The following NBAS variants were observed in gnomAD, a reference collection of about 807,000 sequenced individuals.
The protein encoded by NBAS is NBAS subunit of NRZ tethering complex.
Under a neutral mutation model 302.5 loss-of-function variants are expected in NBAS, and 219 were observed. That is an observed-to-expected ratio of 0.72 (90% CI 0.65 to 0.81). The LOEUF is 0.81. Among genes scored for constraint, NBAS ranks in the 30% least tolerant of loss-of-function variants. NBAS has a pLI of 0.00. For synonymous variants in NBAS, 1,118 were observed against 1,021.6 expected, an observed-to-expected ratio of 1.09 and a Z score of -1.80; for missense variants, 2,932 against 2,841.6, an observed-to-expected ratio of 1.03 and a Z score of -0.72.
chr2:14,953,414 C>T, the NBAS span, among the ~76,000 whole-genome samples: 7 of 152,274 alleles, frequency 4.6e-5, no homozygotes, highest in East Asian at 1.4e-3. Flanking sequence ...ATAAAAATAA[C>T]CTTAAGAGCA....
At chr2:15,122,128 T>C in the NBAS span, among the ~76,000 whole-genome samples, 5 of 147,350 alleles carry the variant, frequency 3.4e-5, no homozygotes, top group South Asian at 1.1e-3. Flanking sequence ...AGGACTCCGT[T>C]AGCCTGTTTT....
chr2:15,434,204 T>G (rs146248703), intron 21 of NBAS, among the ~76,000 whole-genome samples: 235 of 152,208 alleles, frequency 1.5e-3, no homozygotes, highest in Middle Eastern at 3.4e-3. Context: ...TACAAGATGA[T>G]TAATGTCAAC....
rs1324996072 is a variant in NBAS, at chr2:15,458,191, T to C, written c.2339+3010A>G. On this transcript the variant is annotated intron_variant, in intron 21 of 51. Transcript: ENST00000281513. ...AGAAATAAGTATGACTATAACACAGTGTAAAAAGTGTTACATTATGAAAAT... is the reference window on the plus strand; with the variant it reads ...AGAAATAAGTATGACTATAACACAGCGTAAAAAGTGTTACATTATGAAAAT... 2.6e-5 allele frequency among the ~76,000 whole-genome samples: 4 copies of C among 152,136 alleles called. No individual in the cohort carries two copies. In the East Asian group the frequency reaches 7.7e-4, roughly 29 times the overall value.
At chr2:15,206,970 C>T (rs1275474602) in intron 48 of NBAS, among the ~76,000 whole-genome samples, 1 of 152,206 alleles carries the variant, frequency 6.6e-6, no homozygotes, top group Admixed American at 6.5e-5. Flanking sequence ...CACTGGGGCA[C>T]TGCCTCTAGT....
chr2:15,205,464 G>C (rs978746329), intron 48 of NBAS, among the ~76,000 whole-genome samples: 2 of 122,412 alleles, frequency 1.6e-5, no homozygotes, highest in African/African-American at 7.7e-5. Context: ...AAGACATAGA[G>C]TGGTTGAATA....
At chr2:14,788,064 C>A in the NBAS span, among the ~76,000 whole-genome samples, 1 of 152,024 alleles carries the variant, frequency 6.6e-6, no homozygotes. Flanking sequence ...CACTTCATTT[C>A]ATTCATTTCA....
At chr2:15,113,599 C>T in the NBAS span, among the ~76,000 whole-genome samples, 38 of 152,046 alleles carry the variant, frequency 2.5e-4, no homozygotes, top group Admixed American at 2.5e-3. Flanking sequence ...ATTGGACAAT[C>T]TGAGCATCAT....
chr2:15,337,576 G>A (rs1038964017), intron 35 of NBAS, among the ~76,000 whole-genome samples: 1 of 152,220 alleles, frequency 6.6e-6, no homozygotes. Flanking sequence ...GCTAGCTCAA[G>A]ATAGGAGACT....
At chr2:15,021,633 T>C in the NBAS span, among the ~76,000 whole-genome samples, 54 of 141,732 alleles carry the variant, frequency 3.8e-4, no homozygotes, top group Middle Eastern at 3.4e-3. Flanking sequence ...ACTTTGGCCC[T>C]GACTGAAGGG....
chr2:15,470,442 G>A (rs965265464), intron 16 of NBAS, among the ~76,000 whole-genome samples: 1 of 152,156 alleles, frequency 6.6e-6, no homozygotes, highest in Non-Finnish European at 1.5e-5. Context: ...TTGATGTACA[G>A]AGCTCATTTA....
chr2:15,309,131 T>G, intron 39 of NBAS, 40 bp downstream of exon 39: 1 of 1,516,284 alleles, frequency 6.6e-7, no homozygotes, highest in Non-Finnish European at 9.1e-7. Context: ...CATTTTCCAT[T>G]TAGTCATTTT....
the NBAS span, among the ~76,000 whole-genome samples, chr2:14,809,290 C>T: frequency 6.6e-6 from 1 of 152,142 alleles, no homozygotes; most frequent in African/African-American, 2.4e-5. Context: ...CGTGGCAGCC[C>T]CTCCCACCAC....
chr2:14,783,086 C>T, the NBAS span, among the ~76,000 whole-genome samples: 1 of 152,014 alleles, frequency 6.6e-6, no homozygotes, highest in Non-Finnish European at 1.5e-5. Context: ...AACAAACCTG[C>T]ACATGTACCC....
chr2:15,214,387 T>A (rs1331932885), intron 48 of NBAS, among the ~76,000 whole-genome samples: 1 of 152,198 alleles, frequency 6.6e-6, no homozygotes, highest in Non-Finnish European at 1.5e-5. Context: ...AGACAGTGAC[T>A]GAGGTGGTTA....
chr2:15,351,800 G>T (rs1673368981), intron 35 of NBAS, among the ~76,000 whole-genome samples, 192 bp downstream of exon 35: 1 of 151,160 alleles, frequency 6.6e-6, no homozygotes, highest in Admixed American at 6.6e-5. Context: ...ACATTTTTTG[G>T]TATACTTATC....
chr2:14,923,667 C>T, the NBAS span, among the ~76,000 whole-genome samples: 4 of 152,264 alleles, frequency 2.6e-5, no homozygotes, highest in Non-Finnish European at 5.9e-5. Context: ...CCAAGACTCA[C>T]AGTATGAAAG....
At chr2:14,801,005 C>A in the NBAS span, among the ~76,000 whole-genome samples, 1 of 151,868 alleles carries the variant, frequency 6.6e-6, no homozygotes, top group Non-Finnish European at 1.5e-5. Flanking sequence ...TTTGAAAGAT[C>A]TTTTCACTGG....
intron 31 of NBAS, among the ~76,000 whole-genome samples, chr2:15,372,892 G>A (rs1374581104): frequency 1.1e-4 from 17 of 152,088 alleles, no homozygotes; most frequent in Non-Finnish European, 1.8e-4. Flanking sequence ...GTAGCACTTG[G>A]GTGGACTGTA....
chr2:15,132,213 G>A, the NBAS span, among the ~76,000 whole-genome samples: 9 of 152,084 alleles, frequency 5.9e-5, no homozygotes, highest in African/African-American at 2.2e-4. Flanking sequence ...AATAAAATGC[G>A]GTACATCCAG....
Sources: gnomAD v4.1 joint callset for allele counts (sites outside exome capture counted in the v4.1 genomes callset) on GRCh38, gnomAD v4.1.1 for gene constraint, MANE v1.5 for transcripts, NCBI Gene and HGNC (gene_info 2026-07-23, HGNC 2026-07-21) for gene names.